Variants in ATG2B observed in about 807,000 individuals in gnomAD.
ATG2B encodes the protein autophagy related 2B, also known as autophagy-related protein 2 homolog B.
Under a neutral mutation model 241.3 loss-of-function variants are expected in ATG2B, and 121 were observed. That is an observed-to-expected ratio of 0.50 (90% CI 0.43 to 0.58). The LOEUF is 0.58. Among genes scored for constraint, ATG2B ranks in the 20% least tolerant of loss-of-function variants. The pLI, the probability that ATG2B is intolerant of heterozygous loss-of-function variation, is 0.00. For missense variants in ATG2B, 2,306 were observed against 2,491.6 expected, an observed-to-expected ratio of 0.93 and a Z score of 1.59; for synonymous variants, 858 against 876.6, an observed-to-expected ratio of 0.98 and a Z score of 0.37.
At position 96,305,724 on chromosome 14, in the gene ATG2B, T is replaced by A. The variant is rs1361201457; in HGVS notation, c.4598A>T (p.Asp1533Val). ...AAAGTGTAAGGGGGCTTTGCTCGTA[T>A]CGGTCTTATTAACGGGCAGACTGAA... is the stretch of plus-strand genomic sequence containing the variant. Reference protein sequence around the residue: ...NYFSLPVNKTDTSKAPLHFPI... With the variant: ...NYFSLPVNKTVTSKAPLHFPI... The change falls in exon 31 of 42, where the codon GAT (aspartate) becomes GTT (valine). Residue 1533 changes from aspartate (D) to valine (V), a missense_variant. Around this residue, in one of 2 missense-constraint regions of ATG2B, gnomAD observed 1,927 missense variants for 2,011.2 expected, o/e 0.96. Coordinates refer to ENST00000359933, the MANE Select transcript of ATG2B (RefSeq NM_018036.7). 2 of 1,614,194 alleles carry A rather than the reference T, an allele frequency of 1.2e-6. No individual in the cohort carries two copies. Among genetic ancestry groups the A allele is most frequent in the South Asian group, 2.2e-5 (2 of 91,088 alleles).
chr14:96,287,930 T>A (rs537517808), intron 41 of ATG2B, among the ~76,000 whole-genome samples: 3 of 152,196 alleles, frequency 2.0e-5, no homozygotes, highest in Non-Finnish European at 4.4e-5. Flanking sequence ...AGCCTATCTA[T>A]GACACACACA....
intron 12 of ATG2B, 63 bp from the exon 13 acceptor site, chr14:96,328,829 T>A: frequency 4.8e-6 from 6 of 1,262,336 alleles, no homozygotes; most frequent in Non-Finnish European, 6.7e-6. Flanking sequence ...GAGGTGCCCA[T>A]ACAATAATGA....
chr14:96,289,975 A>G lies in ATG2B; in HGVS notation c.5857-170T>C. Reference sequence around the variant, plus strand: ...TACCACAAGAATTGATGACTTTTATAACGAGAACATAAAAGTATAAATTAA... The same window carrying G: ...TACCACAAGAATTGATGACTTTTATGACGAGAACATAAAAGTATAAATTAA... On this transcript the variant is annotated intron_variant, in intron 40 of 41. Transcript: ENST00000359933. The surrounding 1 kb of genome is among the most constrained non-coding windows in gnomAD (Gnocchi z 4.3). 2.1e-6 allele frequency: 1 copy of G among 466,878 alleles called. No homozygotes were observed. Among genetic ancestry groups the G allele is most frequent in the Non-Finnish European group, 2.8e-6 (1 of 356,220 alleles). The allele number at this position is 466,878 out of a possible 1,614,324, so 28.9% of individuals were successfully genotyped here.
intron 6 of ATG2B, among the ~76,000 whole-genome samples, chr14:96,337,131 A>G (rs1887888375): frequency 6.6e-6 from 1 of 152,186 alleles, no homozygotes; most frequent in African/African-American, 2.4e-5. Context: ...TACCAAGGCA[A>G]AGATTGTATC....
At chr14:96,352,800 A>G (rs2139906529) in intron 1 of ATG2B, among the ~76,000 whole-genome samples, 1 of 152,112 alleles carries the variant, frequency 6.6e-6, no homozygotes, top group South Asian at 2.1e-4. Context: ...TTGAAAAAAA[A>G]AAGATGTCTT....
At chr14:96,327,623 G>C (rs1008737004) in intron 14 of ATG2B, among the ~76,000 whole-genome samples, 1 of 152,090 alleles carries the variant, frequency 6.6e-6, no homozygotes, top group African/African-American at 2.4e-5. Context: ...AACTCTGATA[G>C]ACATGAAAAG....
intron 1 of ATG2B, among the ~76,000 whole-genome samples, chr14:96,356,778 T>A (rs1218522561): frequency 1.3e-5 from 2 of 151,850 alleles, no homozygotes; most frequent in Non-Finnish European, 2.9e-5. Flanking sequence ...AAAAAAAAAA[T>A]ATAAAGTCAG....
Position 96,317,739 on chromosome 14 carries a change from T to C in ATG2B, c.2996A>G (p.Asn999Ser), listed in dbSNP as rs1192017253. ...TTTAAATGCACTAAAACTATCTTTG[T>C]TGAAAGTATTAATGAGCTGACTGGC... is the stretch of plus-strand genomic sequence containing the variant. ...SVASQLINTFNKDSFSAFKSA... is the reference protein window; with the variant it reads ...SVASQLINTFSKDSFSAFKSA... Residue 999 changes from asparagine (N) to serine (S), a missense_variant, in exon 19 of 42, where the codon AAC (asparagine) becomes AGC (serine). Physicochemically the swap from Asn to Ser is conservative, Grantham distance 46 (BLOSUM62 1). This residue lies in a region of ATG2B where 1,927 missense variants were observed against 2,011.2 expected (regional missense o/e 0.96). Coordinates refer to ENST00000359933, the MANE Select transcript of ATG2B (RefSeq NM_018036.7). 1 of 1,611,960 alleles carries C rather than the reference T, an allele frequency of 6.2e-7. No homozygotes were observed. Among genetic ancestry groups the C allele is most frequent in the Non-Finnish European group, 8.5e-7 (1 of 1,178,708 alleles).
chr14:96,351,948 T>C (rs1011930442), intron 1 of ATG2B, among the ~76,000 whole-genome samples: 25 of 149,604 alleles, frequency 1.7e-4, no homozygotes, highest in African/African-American at 6.1e-4. Context: ...TCAAAATGCA[T>C]AAATTTATAC....
chr14:96,290,133 G>A lies in ATG2B; in HGVS notation c.5856+303C>T, dbSNP rs1402758407. The A allele has an allele frequency of 4.0e-5, 50 of 1,240,182 alleles. No individual in the cohort carries two copies. The highest frequency in any genetic ancestry group is 4.8e-5 in the Non-Finnish European group (47 of 985,226). The allele number at this position is 1,240,182 out of a possible 1,614,324, so 76.8% of individuals were successfully genotyped here. On this transcript the variant is annotated intron_variant, in intron 40 of 41. Transcript: ENST00000359933. This position sits in a 1 kb window ranked among gnomAD's most constrained non-coding sequence, Gnocchi z 4.4. ...TTAATACTTCTGTTTAATCTACAAC[G>A]CCTTCTTCAAATTTAGCTACGATCC...
chr14:96,350,396 G>T (rs977320659), intron 1 of ATG2B, among the ~76,000 whole-genome samples: 1 of 152,166 alleles, frequency 6.6e-6, no homozygotes, highest in South Asian at 2.1e-4. Context: ...AGAACAACAT[G>T]ACAGAGAAGA....
chr14:96,348,872 G>A (rs564494124), intron 1 of ATG2B, among the ~76,000 whole-genome samples: 48 of 152,034 alleles, frequency 3.2e-4, no homozygotes, highest in African/African-American at 8.7e-4. Context: ...AATATCTCAC[G>A]TACCCCATTA....
chr14:96,312,941 T>A, intron 25 of ATG2B, 124 bp downstream of exon 25: 1 of 536,578 alleles, frequency 1.9e-6, no homozygotes, highest in Non-Finnish European at 3.1e-6. Flanking sequence ...GGGTAAAAGG[T>A]TATAACTATT....
Position 96,315,549 on chromosome 14 carries a change from T to C in ATG2B, c.3396A>G (p.Thr1132=). The C allele has an allele frequency of 4.3e-6, 7 of 1,614,044 alleles. 1 individual carries two copies. In the South Asian group the frequency reaches 5.5e-5, roughly 13 times the overall value. ...IVNGVILPTE[T]RLPSSTRPHW... ...GTGGGCGGGTTGAGCTGGGAAGTCG[T>C]GTTTCTGTCGGGAGAATCACTCCAT... is the stretch of plus-strand genomic sequence containing the variant. Residue 1132 remains threonine (T), a synonymous_variant, in exon 22 of 42, where the codon ACA becomes ACG. Transcript: ENST00000359933.
chr14:96,302,795 A>G (rs1015492001), intron 33 of ATG2B, among the ~76,000 whole-genome samples: 10 of 152,324 alleles, frequency 6.6e-5, no homozygotes, highest in Middle Eastern at 6.8e-3. Context: ...CTTCAGCAAT[A>G]CTACCTATTT....
chr14:96,342,763 A>T (rs1468557114), intron 5 of ATG2B, among the ~76,000 whole-genome samples: 1 of 151,194 alleles, frequency 6.6e-6, no homozygotes, highest in African/African-American at 2.4e-5. Context: ...TGAGTTTTGT[A>T]TTTACACTTG....
At chr14:96,347,582 T>C (rs1888203570) in intron 1 of ATG2B, among the ~76,000 whole-genome samples, 1 of 152,142 alleles carries the variant, frequency 6.6e-6, no homozygotes, top group South Asian at 2.1e-4. Flanking sequence ...AAACTATCTA[T>C]CTGACCCAGG....
chr14:96,288,026 A>C (rs1032399757), intron 41 of ATG2B, among the ~76,000 whole-genome samples: 2 of 151,170 alleles, frequency 1.3e-5, no homozygotes, highest in Admixed American at 1.3e-4. Context: ...TTTTTTTTTA[A>C]CTTTAATAGA....
At chr14:96,288,880 G>A (rs763895323) in intron 41 of ATG2B, among the ~76,000 whole-genome samples, 2 of 150,172 alleles carry the variant, frequency 1.3e-5, no homozygotes, top group Admixed American at 6.6e-5. Context: ...AATACATGTC[G>A]AGATTCCAAC....
Sources: gnomAD v4.1 joint callset for allele counts (sites outside exome capture counted in the v4.1 genomes callset) on GRCh38, gnomAD v4.1.1 for gene constraint, gnomAD v4.1.1 regional missense constraint, Gnocchi (gnomAD v3.1) non-coding constraint, MANE v1.5 for transcripts, NCBI Gene and HGNC (gene_info 2026-07-23, HGNC 2026-07-21) for gene names.